OR51F2: variants seen among roughly 807,000 people sequenced by gnomAD.
The protein encoded by OR51F2 is olfactory receptor family 51 subfamily F member 2, also known as olfactory receptor 51F2.
For missense variants in OR51F2, 435 were observed against 401.4 expected (o/e 1.08, Z -0.72); for synonymous variants, 172 against 153.6 (o/e 1.12, Z -0.89).
At position 4,821,613 on chromosome 11, in the gene OR51F2, C is replaced by T. The variant is rs557130556; in HGVS notation, c.192C>T (p.Phe64=). ...ERSLHKPMYY[F]LSMLSATDLS... ...GCCTCCATAAGCCTATGTACTATTT[C>T]CTCTCTATGCTTTCAGCCACAGACC... The change falls in exon 1 of 1, where the codon TTC becomes TTT. Residue 64 remains phenylalanine, a synonymous_variant. Transcript: ENST00000322110. The T allele has an allele frequency of 6.2e-7, 1 of 1,613,962 alleles. No individual in the cohort carries two copies. Among genetic ancestry groups the T allele is most frequent in the Non-Finnish European group, 8.5e-7 (1 of 1,179,906 alleles).
rs1191242992 is a variant in OR51F2, at chr11:4,821,822, A to G, written c.401A>G (p.Tyr134Cys). The change falls in exon 1 of 1, where the codon TAC (tyrosine) becomes TGC (cysteine). Residue 134 changes from tyrosine to cysteine, a missense_variant. Transcript: ENST00000322110. Reference protein sequence around the residue: ...RFVAICYPLRYTTILTNARIA... With the variant: ...RFVAICYPLRCTTILTNARIA... The stretch of plus-strand genomic sequence containing the variant: ...GTGGCCATCTGTTACCCACTGAGAT[A>G]CACTACCATCCTTACCAATGCCCGA... The G allele has an allele frequency of 6.2e-7, 1 of 1,613,144 alleles. No homozygotes were observed. Among genetic ancestry groups the G allele is most frequent in the Admixed American group, 1.7e-5 (1 of 59,990 alleles).
In OR51F2 at chr11:4,821,843, C is replaced by A; in HGVS notation, c.422C>A (p.Ala141Asp). 6.2e-7 allele frequency: 1 copy of A among 1,613,344 alleles called. No homozygotes were observed. Among genetic ancestry groups the A allele is most frequent in the Non-Finnish European group, 8.5e-7 (1 of 1,179,650 alleles). ...PLRYTTILTN[A>D]RIAKIGMSML... ...AGATACACTACCATCCTTACCAATG[C>A]CCGAATTGCCAAGATTGGGATGAGC... Residue 141 changes from alanine to aspartate, a missense_variant, in exon 1 of 1, where the codon GCC becomes GAC. Physicochemically the swap from Ala to Asp is moderately radical, Grantham distance 126. Coordinates refer to ENST00000322110, the MANE Select transcript of OR51F2 (RefSeq NM_001004753.2).
Position 4,822,267 on chromosome 11 carries a change from T to C in OR51F2, c.846T>C (p.Phe282=). ...TCCACATCATCATGGCCAATGTCTTTCTGCTAATCCCTCCTGTGCTCAACC... is the reference window on the plus strand; with the variant it reads ...TCCACATCATCATGGCCAATGTCTTCCTGCTAATCCCTCCTGTGCTCAACC... The part of the protein sequence containing the change: ...PFVHIIMANV[F]LLIPPVLNPI... Residue 282 remains phenylalanine (F), a synonymous_variant, in exon 1 of 1, where the codon TTT becomes TTC. Coordinates refer to ENST00000322110, the MANE Select transcript of OR51F2 (RefSeq NM_001004753.2). 1 of 1,565,204 alleles carries C rather than the reference T, an allele frequency of 6.4e-7. No homozygotes were observed. Among genetic ancestry groups the C allele is most frequent in the Non-Finnish European group, 8.7e-7 (1 of 1,153,306 alleles).
chr11:4,821,659 C>T lies in OR51F2; in HGVS notation c.238C>T (p.Leu80Phe), dbSNP rs763335038. ...ATDLSLSLCT[L>F]STTLGVFWFE... Reference sequence around the variant, plus strand: ...AGACCTGAGCTTGTCCCTGTGTACACTTTCTACTACCCTTGGTGTCTTCTG... The same window carrying T: ...AGACCTGAGCTTGTCCCTGTGTACATTTTCTACTACCCTTGGTGTCTTCTG... Residue 80 changes from leucine to phenylalanine, a missense_variant, in exon 1 of 1, where the codon CTT becomes TTT. Coordinates refer to ENST00000322110, the MANE Select transcript of OR51F2 (RefSeq NM_001004753.2). 4 of 1,614,100 alleles carry T rather than the reference C, an allele frequency of 2.5e-6. No homozygotes were observed. Among genetic ancestry groups the T allele is most frequent in the South Asian group, 1.1e-5 (1 of 91,078 alleles).
Position 4,821,627 on chromosome 11 carries a change from C to T in OR51F2, c.206C>T (p.Ser69Leu), listed in dbSNP as rs774019371. 1.2e-6 allele frequency: 2 copies of T among 1,614,006 alleles called. No individual in the cohort carries two copies. Among genetic ancestry groups the T allele is most frequent in the South Asian group, 2.2e-5 (2 of 91,066 alleles). Residue 69 changes from serine (S) to leucine (L), a missense_variant, in exon 1 of 1, where the codon TCA (serine) becomes TTA (leucine). Transcript: ENST00000322110. ...ATGTACTATTTCCTCTCTATGCTTT[C>T]AGCCACAGACCTGAGCTTGTCCCTG... ...KPMYYFLSML[S>L]ATDLSLSLCT...
Position 4,821,659 on chromosome 11 carries a change from C to G in OR51F2, c.238C>G (p.Leu80Val). The part of the protein sequence containing the change: ...ATDLSLSLCT[L>V]STTLGVFWFE... ...AGACCTGAGCTTGTCCCTGTGTACA[C>G]TTTCTACTACCCTTGGTGTCTTCTG... Residue 80 changes from leucine to valine, a missense_variant, in exon 1 of 1, where the codon CTT (leucine) becomes GTT (valine). Leu to Val is a conservative substitution (Grantham distance 32). Transcript: ENST00000322110. 2.5e-6 allele frequency: 4 copies of G among 1,614,100 alleles called. No individual in the cohort carries two copies. The highest frequency in any genetic ancestry group is 3.4e-6 in the Non-Finnish European group (4 of 1,179,976).
Position 4,822,133 on chromosome 11 carries a change from A to G in OR51F2, c.712A>G (p.Lys238Glu), listed in dbSNP as rs1849516343. 6.2e-7 allele frequency: 1 copy of G among 1,612,308 alleles called. No individual in the cohort carries two copies. The highest frequency in any genetic ancestry group is 1.4e-5 in the African/African-American group (1 of 73,704). The stretch of plus-strand genomic sequence containing the variant: ...CATTGCTTCCTCAGAAGAGAGGCGG[A>G]AAGCCTTCAACACCTGCACATCCCA... ...LSIASSEERR[K>E]AFNTCTSHIS... Residue 238 changes from lysine to glutamate, a missense_variant, in exon 1 of 1, where the codon AAA (lysine) becomes GAA (glutamate). Coordinates refer to ENST00000322110, the MANE Select transcript of OR51F2 (RefSeq NM_001004753.2).
In OR51F2 at chr11:4,822,027, G is replaced by A; in HGVS notation, c.606G>A (p.Leu202=). The change falls in exon 1 of 1, where the codon CTG becomes CTA. Residue 202 remains leucine, a synonymous_variant. Coordinates refer to ENST00000322110, the MANE Select transcript of OR51F2 (RefSeq NM_001004753.2). ...ATAGGATCAACAGCATCCTTGGTCT[G>A]TTTGCGCTTTTGTCCACTACAGGGT... ...TDNRINSILG[L]FALLSTTGFD... 4 of 1,614,016 alleles carry A rather than the reference G, an allele frequency of 2.5e-6. No individual in the cohort carries two copies. Among genetic ancestry groups the A allele is most frequent in the Non-Finnish European group, 3.4e-6 (4 of 1,179,938 alleles).
chr11:4,821,954 A>G lies in OR51F2; in HGVS notation c.533A>G (p.His178Arg), dbSNP rs759547853. Reference sequence around the variant, plus strand: ...TTCTGCAGTTCTATGGTCCTTTCACATTCTTACTGCTACCATGTTGATCTC... The same window carrying G: ...TTCTGCAGTTCTATGGTCCTTTCACGTTCTTACTGCTACCATGTTGATCTC... ...LSFCSSMVLS[H>R]SYCYHVDLIQ... The change falls in exon 1 of 1, where the codon CAT becomes CGT. Residue 178 changes from histidine to arginine, a missense_variant. Transcript: ENST00000322110. The G allele has an allele frequency of 6.2e-7, 1 of 1,613,974 alleles. No homozygotes were observed. The highest frequency in any genetic ancestry group is 1.1e-5 in the South Asian group (1 of 91,078).
rs774867204 is a variant in OR51F2 at position 4,822,311 on chromosome 11, A to G, written c.890A>G (p.Lys297Arg). Residue 297 changes from lysine to arginine, a missense_variant, in exon 1 of 1, where the codon AAG becomes AGG. By Grantham distance (26) the Lys-to-Arg change is conservative (BLOSUM62 2). Coordinates refer to ENST00000322110, the MANE Select transcript of OR51F2 (RefSeq NM_001004753.2). ...CTCAACCCTATTATTTACAGTGTAAAGATTAAGCAGATTCAAAAGGCCATT... is the reference window on the plus strand; with the variant it reads ...CTCAACCCTATTATTTACAGTGTAAGGATTAAGCAGATTCAAAAGGCCATT... ...PVLNPIIYSV[K>R]IKQIQKAIIK... 3 of 1,510,134 alleles carry G rather than the reference A, an allele frequency of 2.0e-6. No individual in the cohort carries two copies. In the South Asian group the frequency reaches 4.1e-5, roughly 20 times the overall value. 93.5% of individuals were successfully genotyped at this position (1,510,134 alleles called of 1,614,324 possible). A position where few individuals can be genotyped will look rare whatever the true frequency, so the allele number is the denominator to read the frequency against.
chr11:4,821,959 T>C lies in OR51F2; in HGVS notation c.538T>C (p.Tyr180His). ...CAGTTCTATGGTCCTTTCACATTCT[T>C]ACTGCTACCATGTTGATCTCATCCA... ...FCSSMVLSHS[Y>H]CYHVDLIQLS... Residue 180 changes from tyrosine (Y) to histidine (H), a missense_variant, in exon 1 of 1, where the codon TAC becomes CAC. By Grantham distance (83) the Tyr-to-His change is moderately conservative (BLOSUM62 2). Transcript: ENST00000322110. The C allele has an allele frequency of 1.9e-6, 3 of 1,614,066 alleles. No homozygotes were observed. The highest frequency in any genetic ancestry group is 2.5e-6 in the Non-Finnish European group (3 of 1,179,960).
Position 4,822,035 on chromosome 11 carries a change from T to A in OR51F2, c.614T>A (p.Leu205His). The part of the protein sequence containing the change: ...RINSILGLFA[L>H]LSTTGFDCPC... ...AACAGCATCCTTGGTCTGTTTGCGC[T>A]TTTGTCCACTACAGGGTTTGACTGC... is the stretch of plus-strand genomic sequence containing the variant. Residue 205 changes from leucine (L) to histidine (H), a missense_variant, in exon 1 of 1, where the codon CTT becomes CAT. Leu to His is a moderately conservative substitution (Grantham distance 99). Transcript: ENST00000322110. 1.9e-6 allele frequency: 3 copies of A among 1,613,982 alleles called. No homozygotes were observed. The South Asian group carries it at 3.3e-5, about 18-fold the overall frequency.
rs1457340150 is a variant in OR51F2, at chr11:4,822,440, T to A, written c.*26T>A. ...GTGCTTTGCTACAATGGAGTAATTG[T>A]CCCAAAGTGCCCACACATGCCTCCA... On this transcript the variant is annotated 3_prime_UTR_variant, in exon 1 of 1. Transcript: ENST00000322110. 2 of 1,379,472 alleles carry A rather than the reference T, an allele frequency of 1.4e-6. No individual in the cohort carries two copies. Among genetic ancestry groups the A allele is most frequent in the Non-Finnish European group, 1.9e-6 (2 of 1,061,638 alleles). The allele number at this position is 1,379,472 out of a possible 1,614,324, so 85.5% of individuals were successfully genotyped here.
rs368848110 is a variant in OR51F2, at chr11:4,821,374, G to C, written c.-48G>C. On this transcript the variant is annotated 5_prime_UTR_variant, in exon 1 of 1. An upstream start codon of the reference 5' UTR is lost. Transcript: ENST00000322110. ...TTACAAGTGATAAACTATGTATTAT[G>C]TGTTATGTTAAATGACTGAAACATC... The C allele has an allele frequency of 3.1e-6, 5 of 1,596,816 alleles. No individual in the cohort carries two copies. The African/African-American group carries it at 6.7e-5, about 21-fold the overall frequency.
rs1241212558 is a variant in OR51F2, at chr11:4,821,442, C to T, written c.21C>T (p.Thr7=). Residue 7 remains threonine (T), a synonymous_variant, in exon 1 of 1, where the codon ACC becomes ACT. Transcript: ENST00000322110. MSVLNN[T]IAEPLIFLLM... is the part of the protein sequence containing the mutation. The stretch of plus-strand genomic sequence containing the variant: ...TCCCTATGTCGGTCCTCAATAATAC[C>T]ATTGCTGAGCCTCTGATCTTCCTCC... 11 of 1,613,590 alleles carry T rather than the reference C, an allele frequency of 6.8e-6. No individual in the cohort carries two copies. The South Asian group carries it at 1.2e-4, about 18-fold the overall frequency.
In OR51F2 at chr11:4,822,405, T is replaced by A. The variant is rs1388190265; in HGVS notation, c.984T>A (p.Ile328=). The change falls in exon 1 of 1, where the codon ATT becomes ATA. Residue 328 remains isoleucine (I), a synonymous_variant. Coordinates refer to ENST00000322110, the MANE Select transcript of OR51F2 (RefSeq NM_001004753.2). Reference sequence around the variant, plus strand: ...TATTTCTGATTAGAGATAAAGCCATTTATGAATAAGTGCTTTGCTACAATG... The same window carrying A: ...TATTTCTGATTAGAGATAAAGCCATATATGAATAAGTGCTTTGCTACAATG... ...HQLFLIRDKA[I]YE 2 of 1,434,958 alleles carry A rather than the reference T, an allele frequency of 1.4e-6. No individual in the cohort carries two copies. Among genetic ancestry groups the A allele is most frequent in the East Asian group, 2.5e-5 (1 of 40,470 alleles). 88.9% of individuals were successfully genotyped at this position (1,434,958 alleles called of 1,614,324 possible).
chr11:4,821,783 C>A lies in OR51F2; in HGVS notation c.362C>A (p.Ala121Asp). The change falls in exon 1 of 1, where the codon GCC (alanine) becomes GAC (aspartate). Residue 121 changes from alanine to aspartate, a missense_variant. Coordinates refer to ENST00000322110, the MANE Select transcript of OR51F2 (RefSeq NM_001004753.2). ...FMESGVLLAMAFDRFVAICYP... is the reference protein window; with the variant it reads ...FMESGVLLAMDFDRFVAICYP... The stretch of plus-strand genomic sequence containing the variant: ...GAGTCTGGGGTTCTACTGGCCATGG[C>A]CTTTGATCGTTTTGTGGCCATCTGT... The A allele has an allele frequency of 6.2e-7, 1 of 1,613,242 alleles. No homozygotes were observed. Among genetic ancestry groups the A allele is most frequent in the Non-Finnish European group, 8.5e-7 (1 of 1,179,612 alleles).
chr11:4,822,324 T>C lies in OR51F2; in HGVS notation c.903T>C (p.Ile301=). ...PIIYSVKIKQ[I]QKAIIKVLIQ... The stretch of plus-strand genomic sequence containing the variant: ...TTTACAGTGTAAAGATTAAGCAGAT[T>C]CAAAAGGCCATTATCAAGGTCTTAA... Residue 301 remains isoleucine (I), a synonymous_variant, in exon 1 of 1, where the codon ATT becomes ATC. Coordinates refer to ENST00000322110, the MANE Select transcript of OR51F2 (RefSeq NM_001004753.2). 1 of 1,500,590 alleles carries C rather than the reference T, an allele frequency of 6.7e-7. No individual in the cohort carries two copies. The allele number at this position is 1,500,590 out of a possible 1,614,324, so 93.0% of individuals were successfully genotyped here.
rs548441367 is a variant in OR51F2 at position 4,821,356 on chromosome 11, T to A, written c.-66T>A. On this transcript the variant is annotated 5_prime_UTR_variant, in exon 1 of 1. Transcript: ENST00000322110. ...TGAAGTGCCAGAGAGATGTTACAAGTGATAAACTATGTATTATGTGTTATG... is the reference window on the plus strand; with the variant it reads ...TGAAGTGCCAGAGAGATGTTACAAGAGATAAACTATGTATTATGTGTTATG... The A allele has an allele frequency of 6.5e-7, 1 of 1,540,298 alleles. No homozygotes were observed. Among genetic ancestry groups the A allele is most frequent in the African/African-American group, 1.4e-5 (1 of 73,004 alleles).
Sources: allele counts gnomAD v4.1 joint callset, GRCh38; gene constraint gnomAD v4.1.1; transcripts MANE v1.5; gene names NCBI Gene and HGNC (gene_info 2026-07-23, HGNC 2026-07-21).